The following PRLR variants were observed in gnomAD, a reference collection of about 807,000 sequenced individuals.
PRLR encodes the protein prolactin receptor, also known as hPRL receptor.
In PRLR, 13 loss-of-function variants were observed where a neutral mutation model predicts 40.2. The observed-to-expected ratio is 0.32, with a 90% confidence interval of 0.21 to 0.51. The LOEUF (loss-of-function observed/expected upper bound fraction) is 0.51. Ranked by LOEUF, PRLR falls within the 20% of genes least tolerant of loss-of-function variation. The pLI is 0.97. For synonymous variants in PRLR, 269 were observed against 278.7 expected (o/e 0.97, Z 0.35); for missense variants, 656 against 747.3 (o/e 0.88, Z 1.42).
chr5:35,180,821 T>C (rs1775277830), intron 1 of PRLR, among the ~76,000 whole-genome samples: 1 of 152,064 alleles, frequency 6.6e-6, no homozygotes, highest in African/African-American at 2.4e-5. Flanking sequence ...CACCTATGAG[T>C]GAGAACATGC....
intron 2 of PRLR, among the ~76,000 whole-genome samples, chr5:35,095,837 G>A (rs1335032466): frequency 3.3e-5 from 5 of 152,280 alleles, no homozygotes; most frequent in South Asian, 4.1e-4. Flanking sequence ...TATATAAAAC[G>A]TTTATCACCT....
At chr5:35,200,944 C>T (rs567219045) in intron 1 of PRLR, among the ~76,000 whole-genome samples, 3 of 152,296 alleles carry the variant, frequency 2.0e-5, no homozygotes, top group South Asian at 2.1e-4. Context: ...ATCCTTCTTG[C>T]TCAGGACTCT....
At chr5:35,103,280 C>T (rs945513783) in intron 2 of PRLR, among the ~76,000 whole-genome samples, 3 of 152,078 alleles carry the variant, frequency 2.0e-5, no homozygotes, top group East Asian at 1.9e-4. Context: ...AAAAGGTAAG[C>T]GCTATTGTCA....
intron 1 of PRLR, among the ~76,000 whole-genome samples, chr5:35,191,014 A>C (rs975791992): frequency 1.3e-5 from 2 of 149,218 alleles, no homozygotes; most frequent in African/African-American, 4.9e-5. Flanking sequence ...CATTGACCAC[A>C]CAGAAATGAT....
intron 1 of PRLR, among the ~76,000 whole-genome samples, chr5:35,196,144 A>T (rs1775730016): frequency 6.6e-6 from 1 of 151,492 alleles, no homozygotes; most frequent in African/African-American, 2.4e-5. Flanking sequence ...AGGCCAGGAG[A>T]ATGGTTCATT....
intron 3 of PRLR, among the ~76,000 whole-genome samples, chr5:35,086,867 C>T (rs43215): frequency 0.2 from 30,034 of 152,014 alleles, 4,257 homozygotes; most frequent in African/African-American, 0.4. Context: ...TTCTGCCATC[C>T]CCACACAATG....
At chr5:35,095,101 T>A (rs1771455084) in intron 2 of PRLR, among the ~76,000 whole-genome samples, 1 of 152,182 alleles carries the variant, frequency 6.6e-6, no homozygotes, top group African/African-American at 2.4e-5. Flanking sequence ...AGGTCTGTGA[T>A]TACAGGCATG....
At chr5:35,160,069 T>C (rs1774631352) in intron 1 of PRLR, among the ~76,000 whole-genome samples, 1 of 152,164 alleles carries the variant, frequency 6.6e-6, no homozygotes, top group Non-Finnish European at 1.5e-5. Context: ...ACAGGATCAA[T>C]TCTCTCATGG....
rs529241336 is a variant in PRLR, at chr5:35,057,850, C to T, written c.*7239G>A. The T allele has an allele frequency of 6.6e-6, 1 of 152,116 alleles. No individual in the cohort carries two copies. The highest frequency in any genetic ancestry group is 2.4e-5 in the African/African-American group (1 of 41,506). 9.4% of individuals were successfully genotyped at this position (152,116 alleles called of 1,614,324 possible). A position where few individuals can be genotyped will look rare whatever the true frequency, so the allele number is the denominator to read the frequency against. On this transcript the variant is annotated 3_prime_UTR_variant, in exon 10 of 10. Transcript: ENST00000618457. ...GGTAAATGGCTGACTTTTCCCATAT[C>T]ATACTATGTTTGATGACTAAAATCA...
rs756210863 is a variant in PRLR, at chr5:35,065,307, C to G, written c.1651G>C (p.Gly551Arg). Residue 551 changes from glycine to arginine, a missense_variant, in exon 10 of 10, where the codon GGG becomes CGG. By Grantham distance (125) the Gly-to-Arg change is moderately radical (BLOSUM62 -2). This residue lies in a region of PRLR where 469 missense variants were observed against 491.5 expected (regional missense o/e 0.95). Coordinates refer to ENST00000618457, the MANE Select transcript of PRLR (RefSeq NM_000949.7). ...ACCAGGATGTTGTTATCCATGACCCCGGACACCTTGGCATACTCCTTATTG... is the reference window on the plus strand; with the variant it reads ...ACCAGGATGTTGTTATCCATGACCCGGGACACCTTGGCATACTCCTTATTG... Reference protein sequence around the residue: ...ENNKEYAKVSGVMDNNILVLV... With the variant: ...ENNKEYAKVSRVMDNNILVLV... The G allele has an allele frequency of 4.3e-6, 7 of 1,614,118 alleles. No homozygotes were observed. The highest frequency in any genetic ancestry group is 5.9e-6 in the Non-Finnish European group (7 of 1,180,000).
chr5:35,098,807 C>T (rs1771687948), intron 2 of PRLR, among the ~76,000 whole-genome samples: 2 of 152,274 alleles, frequency 1.3e-5, no homozygotes, highest in South Asian at 4.1e-4. Flanking sequence ...AGAATCATTA[C>T]AGAATCATGG....
chr5:35,170,897 T>C (rs944334319), intron 1 of PRLR, among the ~76,000 whole-genome samples: 2 of 152,200 alleles, frequency 1.3e-5, no homozygotes, highest in African/African-American at 4.8e-5. Context: ...GGCACTGTAA[T>C]AGGCACTAAG....
chr5:35,070,478 T>TA (rs1769678381), intron 6 of PRLR, among the ~76,000 whole-genome samples: 1 of 152,230 alleles, frequency 6.6e-6, no homozygotes, highest in South Asian at 2.1e-4. Flanking sequence ...TTTGGGACTC[T>TA]ACTTCAGAAA....
intron 1 of PRLR, among the ~76,000 whole-genome samples, chr5:35,122,405 T>G (rs567909547): frequency 2.6e-5 from 4 of 152,264 alleles, no homozygotes; most frequent in African/African-American, 9.6e-5. Flanking sequence ...CCCCACGCCC[T>G]GATAGGCCCC....
At chr5:35,224,923 A>AAAG (rs1554057389) in intron 1 of PRLR, among the ~76,000 whole-genome samples, 1 of 151,854 alleles carries the variant, frequency 6.6e-6, no homozygotes. Flanking sequence ...GCTAGTGGAC[A>AAAG]AAAGAAACCA....
chr5:35,224,954 C>T (rs1446584588), intron 1 of PRLR, among the ~76,000 whole-genome samples: 2 of 151,952 alleles, frequency 1.3e-5, no homozygotes, highest in African/African-American at 4.8e-5. Context: ...TTTGTGATGC[C>T]CCTGGAGTAG....
At chr5:35,136,153 C>A (rs1773852531) in intron 1 of PRLR, among the ~76,000 whole-genome samples, 1 of 152,190 alleles carries the variant, frequency 6.6e-6, no homozygotes, top group Non-Finnish European at 1.5e-5. Flanking sequence ...AAGCTCCCTT[C>A]CCCAACAGGC....
chr5:35,155,471 AC>A (rs1277123420), intron 1 of PRLR, among the ~76,000 whole-genome samples: 1 of 152,212 alleles, frequency 6.6e-6, no homozygotes, highest in Non-Finnish European at 1.5e-5. Flanking sequence ...TAAAAAAAAA[AC>A]CCATCGACTA....
intron 1 of PRLR, among the ~76,000 whole-genome samples, chr5:35,229,820 T>A (rs1776651138): frequency 6.6e-6 from 1 of 152,034 alleles, no homozygotes. Flanking sequence ...TTTCATCACA[T>A]CACCTGTCTG....
Sources: gnomAD v4.1 joint callset for allele counts (sites outside exome capture counted in the v4.1 genomes callset) on GRCh38, gnomAD v4.1.1 for gene constraint, gnomAD v4.1.1 regional missense constraint, MANE v1.5 for transcripts, NCBI Gene and HGNC (gene_info 2026-07-23, HGNC 2026-07-21) for gene names.